The following NPHP1 variants were observed in gnomAD, a reference collection of about 807,000 sequenced individuals.
NPHP1 encodes nephrocystin 1.
Under a neutral mutation model 90.4 loss-of-function variants are expected in NPHP1, and 70 were observed. The observed-to-expected ratio is 0.77, with a 90% confidence interval of 0.64 to 0.95. NPHP1 has a LOEUF of 0.95. Ranked by LOEUF, NPHP1 falls within the 40% of genes least tolerant of loss-of-function variation. NPHP1 has a pLI of 0.00. For missense variants in NPHP1, 764 were observed against 795.9 expected, an observed-to-expected ratio of 0.96 and a Z score of 0.48; for synonymous variants, 256 against 271.7, an observed-to-expected ratio of 0.94 and a Z score of 0.57.
At position 110,125,664 on chromosome 2, in the gene NPHP1, T is replaced by C. The variant is rs779746002; in HGVS notation, c.1734A>G (p.Lys578=). Residue 578 remains lysine (K), a synonymous_variant, in exon 19 of 20, where the codon AAA becomes AAG. Coordinates refer to ENST00000445609, the MANE Select transcript of NPHP1 (RefSeq NM_001128178.3). ...TCTCTGATCTTTTTAATGTGCTTTC[T>C]TTTCCAGCCCACGAACTCTAAAGAG... ...MDALRSSWAG[K]ESTLKRSEKR... 3.1e-6 allele frequency: 5 copies of C among 1,613,334 alleles called. No homozygotes were observed. The Admixed American group carries it at 5.0e-5, about 16-fold the overall frequency.
intron 2 of NPHP1, among the ~76,000 whole-genome samples, chr2:110,194,583 G>A (rs1685012237): frequency 1.3e-5 from 2 of 152,102 alleles, no homozygotes; most frequent in Admixed American, 6.5e-5. Context: ...GAGGTACAAG[G>A]AGGAGCTGGT....
intron 12 of NPHP1, 108 bp downstream of exon 12, chr2:110,150,074 G>A: frequency 6.5e-6 from 6 of 926,952 alleles, no homozygotes; most frequent in Non-Finnish European, 1.1e-5. Flanking sequence ...GAACACCAAA[G>A]AATCTAAAGA....
At chr2:110,190,350 C>T (rs1254398235) in intron 2 of NPHP1, among the ~76,000 whole-genome samples, 9 of 152,286 alleles carry the variant, frequency 5.9e-5, no homozygotes, top group South Asian at 2.1e-4. Context: ...TCAGGCATGG[C>T]GGGCTGAAGG....
chr2:110,204,906 C>G lies in NPHP1; in HGVS notation c.63G>C (p.Lys21Asn), dbSNP rs746229818. 1.9e-6 allele frequency: 3 copies of G among 1,613,846 alleles called. No homozygotes were observed. Among genetic ancestry groups the G allele is most frequent in the Admixed American group, 1.7e-5 (1 of 60,014 alleles). The change falls in exon 1 of 20, where the codon AAG becomes AAC. Residue 21 changes from lysine to asparagine, a missense_variant. Physicochemically the swap from Lys to Asn is moderately conservative, Grantham distance 94. Coordinates refer to ENST00000445609, the MANE Select transcript of NPHP1 (RefSeq NM_001128178.3). ...CTGCACAGCCTGACCATACCTGTTGCTTCAGCTCCTGATTGCGGCGCCGCA... is the reference window on the plus strand; with the variant it reads ...CTGCACAGCCTGACCATACCTGTTGGTTCAGCTCCTGATTGCGGCGCCGCA... Reference protein sequence around the residue: ...QALRRRNQELKQQVDSLLSES... With the variant: ...QALRRRNQELNQQVDSLLSES...
At chr2:110,150,706 C>T (rs1399507740) in intron 11 of NPHP1, among the ~76,000 whole-genome samples, 1 of 151,796 alleles carries the variant, frequency 6.6e-6, no homozygotes, top group South Asian at 2.1e-4. Flanking sequence ...CCTGTCACCA[C>T]GCCCAGCTAA....
intron 6 of NPHP1, among the ~76,000 whole-genome samples, chr2:110,167,851 A>G (rs555534181): frequency 6.6e-6 from 1 of 152,290 alleles, no homozygotes; most frequent in African/African-American, 2.4e-5. Context: ...CGGTTGGTGT[A>G]GAAGAACTGA....
intron 2 of NPHP1, among the ~76,000 whole-genome samples, chr2:110,182,074 C>G (rs1343319772): frequency 6.6e-6 from 1 of 151,256 alleles, no homozygotes; most frequent in African/African-American, 2.4e-5. Flanking sequence ...GACAGGCGGA[C>G]AAGAATAGGG....
At chr2:110,176,631 GA>G (rs1355420735) in intron 4 of NPHP1, among the ~76,000 whole-genome samples, 1 of 152,074 alleles carries the variant, frequency 6.6e-6, no homozygotes, top group African/African-American at 2.4e-5. Context: ...TCTTGTTCCT[GA>G]TAAGGTCTGC....
In NPHP1 at chr2:110,161,576, A is replaced by G. The variant is rs372229745; in HGVS notation, c.954+27T>C. On this transcript the variant is annotated intron_variant, in intron 10 of 19. Coordinates refer to ENST00000445609, the MANE Select transcript of NPHP1 (RefSeq NM_001128178.3). The stretch of plus-strand genomic sequence containing the variant: ...CTATGACAAAATCTGGAAGAGTTAC[A>G]CTTTTACTGATAGTAACTATACTTA... 5.7e-6 allele frequency: 8 copies of G among 1,410,488 alleles called. No individual in the cohort carries two copies. In the Admixed American group the frequency reaches 8.4e-5, roughly 15 times the overall value. The allele number at this position is 1,410,488 out of a possible 1,614,324, so 87.4% of individuals were successfully genotyped here. A position where few individuals can be genotyped will look rare whatever the true frequency, so the allele number is the denominator to read the frequency against.
chr2:110,174,573 A>G (rs1352014521), intron 4 of NPHP1, among the ~76,000 whole-genome samples: 1 of 152,148 alleles, frequency 6.6e-6, no homozygotes, highest in Non-Finnish European at 1.5e-5. Context: ...TGTAACATGC[A>G]GATTCTGTAT....
At position 110,183,293 on chromosome 2, in the gene NPHP1, G is replaced by A. The variant is rs150516452; in HGVS notation, c.144-3609C>T. Reference sequence around the variant, plus strand: ...AAGGAACACCTGGCCCACCCAGGGCGGAAAACTGCTTAAAGGCATTCCTGA... The same window carrying A: ...AAGGAACACCTGGCCCACCCAGGGCAGAAAACTGCTTAAAGGCATTCCTGA... On this transcript the variant is annotated intron_variant, in intron 2 of 19. Transcript: ENST00000445609. Among the ~76,000 whole-genome samples, 454 of 152,248 alleles carry A rather than the reference G, an allele frequency of 3.0e-3. 22 individuals carry two copies. In the East Asian group the frequency reaches 0.079, roughly 26 times the overall value.
chr2:110,190,135 C>T (rs1033423786), intron 2 of NPHP1, among the ~76,000 whole-genome samples: 11 of 152,204 alleles, frequency 7.2e-5, no homozygotes, highest in Non-Finnish European at 1.3e-4. Context: ...AGGTTCTCCA[C>T]ATCCCCACCA....
At chr2:110,147,405 G>T (rs1681139272) in intron 13 of NPHP1, among the ~76,000 whole-genome samples, 1 of 152,070 alleles carries the variant, frequency 6.6e-6, no homozygotes, top group African/African-American at 2.4e-5. Context: ...TTACCATGAG[G>T]TCAACTATAT....
In NPHP1 at chr2:110,123,915, T is replaced by C; in HGVS notation, c.1910A>G (p.Lys637Arg). 1.2e-6 allele frequency: 2 copies of C among 1,614,100 alleles called. No homozygotes were observed. Among genetic ancestry groups the C allele is most frequent in the East Asian group, 2.2e-5 (1 of 44,880 alleles). The stretch of plus-strand genomic sequence containing the variant: ...GGCGCCCTGGTTTTCTTGGTTTTGC[T>C]TAAGGAAGTCAGTGATAACTTTCCA... ...ARWKVITDFL[K>R]QNQENQGALQ... is the part of the protein sequence containing the mutation. Residue 637 changes from lysine (K) to arginine (R), a missense_variant, in exon 20 of 20, where the codon AAG (lysine) becomes AGG (arginine). By Grantham distance (26) the Lys-to-Arg change is conservative (BLOSUM62 2). Coordinates refer to ENST00000445609, the MANE Select transcript of NPHP1 (RefSeq NM_001128178.3).
At chr2:110,130,696 T>G (rs1679712744) in intron 17 of NPHP1, among the ~76,000 whole-genome samples, 1 of 152,170 alleles carries the variant, frequency 6.6e-6, no homozygotes, top group Admixed American at 6.5e-5. Context: ...CTCCAACACA[T>G]GCATGTCTTC....
intron 2 of NPHP1, among the ~76,000 whole-genome samples, chr2:110,185,357 G>T (rs1400028005): frequency 1.3e-5 from 2 of 152,178 alleles, no homozygotes; most frequent in Non-Finnish European, 2.9e-5. Context: ...AAAGGATGAG[G>T]AACTACCCAC....
chr2:110,193,816 C>A (rs1469357112), intron 2 of NPHP1, among the ~76,000 whole-genome samples: 1 of 152,010 alleles, frequency 6.6e-6, no homozygotes, highest in East Asian at 1.9e-4. Context: ...TCTCTCAGAC[C>A]AAAGTGCAAT....
At chr2:110,135,475 T>C (rs1281628062) in intron 16 of NPHP1, among the ~76,000 whole-genome samples, 2 of 28,894 alleles carry the variant, frequency 6.9e-5, no homozygotes, top group African/African-American at 3.5e-4. Context: ...AGACCCCGTC[T>C]CAAAAAAAAA....
intron 5 of NPHP1, 71 bp from the exon 6 acceptor site, chr2:110,168,624 T>C: frequency 9.8e-7 from 1 of 1,017,002 alleles, no homozygotes; most frequent in Non-Finnish European, 1.5e-6. Flanking sequence ...ATACCAATGA[T>C]TCAAAATATG....
Sources: allele counts gnomAD v4.1 joint callset (sites outside exome capture counted in the v4.1 genomes callset), GRCh38; gene constraint gnomAD v4.1.1; transcripts MANE v1.5; gene names NCBI Gene and HGNC (gene_info 2026-07-23, HGNC 2026-07-21).